RORA: variants seen among roughly 807,000 people sequenced by gnomAD.
RORA encodes nuclear receptor ROR-alpha.
RORA carries 7 observed loss-of-function variants against 69.5 expected under a neutral mutation model. That is an observed-to-expected ratio of 0.10 (90% CI 0.06 to 0.19). RORA has a LOEUF of 0.19. RORA is among the 10% of genes least tolerant of loss of function. The pLI is 1.00. For synonymous variants in RORA, 261 were observed against 240.8 expected (o/e 1.08, Z -0.78); for missense variants, 457 against 663.0 (o/e 0.69, Z 3.41).
chr15:60,904,471 G>C (rs764111626), intron 1 of RORA, among the ~76,000 whole-genome samples: 16 of 152,314 alleles, frequency 1.1e-4, no homozygotes, highest in Non-Finnish European at 2.1e-4. Context: ...AAGGGTCACT[G>C]TGAGAGAATC....
intron 1 of RORA, among the ~76,000 whole-genome samples, chr15:60,904,926 T>G (rs1891492627): frequency 1.3e-5 from 2 of 152,036 alleles, no homozygotes; most frequent in South Asian, 4.2e-4. Flanking sequence ...CATCCAATGG[T>G]GAGTGGAAGC....
chr15:61,021,788 A>G (rs1895539066), intron 1 of RORA, among the ~76,000 whole-genome samples: 1 of 152,188 alleles, frequency 6.6e-6, no homozygotes, highest in South Asian at 2.1e-4. Context: ...AATAATTACA[A>G]CAGGAAAACA....
intron 2 of RORA, among the ~76,000 whole-genome samples, chr15:60,579,963 A>G (rs147902639): frequency 4.7e-4 from 72 of 152,308 alleles, no homozygotes; most frequent in African/African-American, 1.7e-3. Context: ...GTATTTATTA[A>G]TGACTACACA....
chr15:60,911,570 G>A (rs1891718408), intron 1 of RORA, among the ~76,000 whole-genome samples: 1 of 152,254 alleles, frequency 6.6e-6, no homozygotes, highest in South Asian at 2.1e-4. Context: ...ATTCTAGAAT[G>A]AAAGACAGGT....
At chr15:60,938,160 A>G (rs947261436) in intron 1 of RORA, among the ~76,000 whole-genome samples, 19 of 152,336 alleles carry the variant, frequency 1.2e-4, no homozygotes, top group South Asian at 4.1e-4. Context: ...TGCTGTTTTT[A>G]TATATAAAGT....
At chr15:60,861,135 T>C (rs181464055) in intron 1 of RORA, among the ~76,000 whole-genome samples, 269 of 152,296 alleles carry the variant, frequency 1.8e-3, no homozygotes, top group Admixed American at 0.014. Context: ...AAAGAAACCA[T>C]TCATGATGAT....
chr15:60,502,013 A>G (rs1233683975), intron 8 of RORA, among the ~76,000 whole-genome samples: 3 of 152,178 alleles, frequency 2.0e-5, no homozygotes, highest in Non-Finnish European at 2.9e-5. Context: ...CAGAGTCTCA[A>G]TCTGTCACCC....
At chr15:61,225,450 C>T (rs2080137349) in intron 1 of RORA, among the ~76,000 whole-genome samples, 1 of 152,158 alleles carries the variant, frequency 6.6e-6, no homozygotes, top group East Asian at 1.9e-4. Context: ...AAGTCAAAGA[C>T]GTATGTGGTT....
chr15:60,516,057 T>TTATATATATTTATATATTTA, intron 3 of RORA, among the ~76,000 whole-genome samples: 1 of 6,094 alleles, frequency 1.6e-4, no homozygotes, highest in African/African-American at 4.5e-4. Flanking sequence ...TTATATATAT[T>TTATATATATTTATATATTTA]TATATATATT....
At chr15:60,566,318 CAT>C (rs1381779956) in intron 2 of RORA, among the ~76,000 whole-genome samples, 2 of 152,070 alleles carry the variant, frequency 1.3e-5, no homozygotes, top group African/African-American at 2.4e-5. Context: ...AGTAAAAAAT[CAT>C]AGATGTTTCA....
At chr15:61,212,507 C>T (rs936132702) in intron 1 of RORA, among the ~76,000 whole-genome samples, 2 of 152,172 alleles carry the variant, frequency 1.3e-5, no homozygotes, top group Non-Finnish European at 2.9e-5. Context: ...TCGGGTGATT[C>T]TCCTGCCTCA....
chr15:60,699,961 G>A (rs374251909), intron 1 of RORA, among the ~76,000 whole-genome samples: 1 of 152,124 alleles, frequency 6.6e-6, no homozygotes, highest in Non-Finnish European at 1.5e-5. Flanking sequence ...TAAAGAACAT[G>A]AAATGACACT....
chr15:61,133,304 TTG>T (rs1158340952), intron 1 of RORA, among the ~76,000 whole-genome samples: 3 of 152,202 alleles, frequency 2.0e-5, no homozygotes, highest in Non-Finnish European at 4.4e-5. Flanking sequence ...TTCCTGAGCC[TTG>T]TAACCATGGA....
rs1300040010 is a variant in RORA, at chr15:61,072,531, T to C, written c.166+156522A>G. Among the ~76,000 whole-genome samples the C allele has an allele frequency of 2.6e-5, 4 of 152,206 alleles. No homozygotes were observed. The East Asian group carries it at 7.7e-4, about 29-fold the overall frequency. Reference sequence around the variant, plus strand: ...CACCCATATGACTTTCCAATAAATCTATCTCAAAAGGCCTACCATTTAACA... The same window carrying C: ...CACCCATATGACTTTCCAATAAATCCATCTCAAAAGGCCTACCATTTAACA... On this transcript the variant is annotated intron_variant, in intron 1 of 10. Transcript: ENST00000335670.
At chr15:60,608,588 AAG>A (rs2069006531) in intron 2 of RORA, among the ~76,000 whole-genome samples, 1 of 152,176 alleles carries the variant, frequency 6.6e-6, no homozygotes. Flanking sequence ...CCTGTTCCTG[AAG>A]AGTTTATATT....
intron 1 of RORA, among the ~76,000 whole-genome samples, chr15:60,849,591 C>T (rs575559760): frequency 1.3e-5 from 2 of 152,210 alleles, no homozygotes; most frequent in South Asian, 2.1e-4. Flanking sequence ...TGGGGCCAAA[C>T]GAGTGGTGGG....
At chr15:60,924,916 T>A (rs2140493233) in intron 1 of RORA, among the ~76,000 whole-genome samples, 1 of 151,876 alleles carries the variant, frequency 6.6e-6, no homozygotes, top group South Asian at 2.1e-4. Flanking sequence ...CCATCTCTAC[T>A]AAAAATACAA....
At position 60,986,348 on chromosome 15, in the gene RORA, G is replaced by A. The variant is rs1417753425; in HGVS notation, c.166+242705C>T. 2.0e-5 allele frequency among the ~76,000 whole-genome samples: 3 copies of A among 152,150 alleles called. No homozygotes were observed. In the East Asian group the frequency reaches 5.8e-4, roughly 29 times the overall value. On this transcript the variant is annotated intron_variant, in intron 1 of 10. Transcript: ENST00000335670. ...GGAGTTTTACCATGTTGGCCAAGCT[G>A]GTCTTGATCTCCTGATGATCAGCTA...
chr15:60,967,233 G>C (rs1893578888), intron 1 of RORA, among the ~76,000 whole-genome samples: 1 of 152,048 alleles, frequency 6.6e-6, no homozygotes, highest in Admixed American at 6.6e-5. Context: ...TTATACATCG[G>C]CATATATATT....
Sources: allele counts gnomAD v4.1 joint callset (sites outside exome capture counted in the v4.1 genomes callset), GRCh38; gene constraint gnomAD v4.1.1; transcripts MANE v1.5; gene names NCBI Gene and HGNC (gene_info 2026-07-23, HGNC 2026-07-21).